The following SIPA1L1 variants were observed in gnomAD, a reference collection of about 807,000 sequenced individuals.
The protein encoded by SIPA1L1 is signal induced proliferation associated 1 like 1.
A neutral mutation model predicts 162.7 loss-of-function variants in SIPA1L1; 26 were observed. The ratio of observed to expected loss-of-function variants is 0.16; its 90% CI spans 0.12 to 0.22. The LOEUF (loss-of-function observed/expected upper bound fraction) is 0.22, where lower values mean the gene tolerates loss of function less well. Among genes scored for constraint, SIPA1L1 ranks in the 10% least tolerant of loss-of-function variants. The pLI is 1.00. For synonymous variants in SIPA1L1, 829 were observed against 837.4 expected, an observed-to-expected ratio of 0.99 and a Z score of 0.17; for missense variants, 1,874 against 2,241.0, an observed-to-expected ratio of 0.84 and a Z score of 3.31.
chr14:71,351,625 T>C (rs1045968724), intron 2 of SIPA1L1, among the ~76,000 whole-genome samples: 5 of 152,056 alleles, frequency 3.3e-5, no homozygotes, highest in African/African-American at 1.2e-4. Context: ...ATTATTACCA[T>C]AAACTGATCA....
Position 71,646,061 on chromosome 14 carries a change from G to A in SIPA1L1, c.1819-4274G>A, listed in dbSNP as rs547165490. Among the ~76,000 whole-genome samples, 3 of 152,248 alleles carry A rather than the reference G, an allele frequency of 2.0e-5. No individual in the cohort carries two copies. In the South Asian group the frequency reaches 6.2e-4, roughly 32 times the overall value. On this transcript the variant is annotated intron_variant, in intron 7 of 23. Coordinates refer to ENST00000381232, the MANE Select transcript of SIPA1L1 (RefSeq NM_001386936.1). ...AAATGCAAAACTTCTGAAGAAGACT[G>A]AGAACTTGGTTATTCACATCTCTTT...
intron 4 of SIPA1L1, among the ~76,000 whole-genome samples, chr14:71,583,338 G>C (rs1253387199): frequency 6.6e-6 from 1 of 152,082 alleles, no homozygotes; most frequent in Non-Finnish European, 1.5e-5. Flanking sequence ...TGAATTATTG[G>C]GGCATTTGAA....
At chr14:71,665,077 A>G (rs550813279) in intron 10 of SIPA1L1, among the ~76,000 whole-genome samples, 2 of 152,360 alleles carry the variant, frequency 1.3e-5, no homozygotes, top group East Asian at 1.9e-4. Flanking sequence ...TCAACACTAC[A>G]TAAGTAGAAT....
At chr14:71,376,347 C>CTT (rs930189565) in intron 2 of SIPA1L1, among the ~76,000 whole-genome samples, 1 of 143,526 alleles carries the variant, frequency 7.0e-6, no homozygotes, top group Admixed American at 6.9e-5. Flanking sequence ...TTATAATCTT[C>CTT]TTTTTTTTTT....
rs187600761 is a variant in SIPA1L1 at position 71,636,381 on chromosome 14, C to G, written c.1818+12145C>G. 1.4e-4 allele frequency among the ~76,000 whole-genome samples: 21 copies of G among 151,998 alleles called. No homozygotes were observed. The South Asian group carries it at 2.5e-3, about 18-fold the overall frequency. ...CAAACTGGAATCAAACTAGAAATAA[C>G]AGAAACATAATGGAAAAATCTCTAA... On this transcript the variant is annotated intron_variant, in intron 7 of 23. Transcript: ENST00000381232.
chr14:71,553,977 C>T (rs1346088825), intron 4 of SIPA1L1, among the ~76,000 whole-genome samples: 3 of 152,122 alleles, frequency 2.0e-5, no homozygotes, highest in Admixed American at 6.5e-5. Context: ...AGACTTTGAA[C>T]TTTGGCCTAT....
intron 4 of SIPA1L1, among the ~76,000 whole-genome samples, chr14:71,562,640 CATGTTT>C (rs2056888127): frequency 6.6e-6 from 1 of 152,098 alleles, no homozygotes; most frequent in South Asian, 2.1e-4. Context: ...GTTTTTATTT[CATGTTT>C]TGTTATTTGT....
intron 12 of SIPA1L1, among the ~76,000 whole-genome samples, chr14:71,683,705 A>G (rs909201503): frequency 6.6e-6 from 1 of 152,226 alleles, no homozygotes; most frequent in African/African-American, 2.4e-5. Flanking sequence ...ATTCGTTAAT[A>G]TTAGAGAAAA....
intron 2 of SIPA1L1, among the ~76,000 whole-genome samples, chr14:71,413,179 A>T (rs767640613): frequency 4.6e-5 from 7 of 152,194 alleles, no homozygotes; most frequent in Non-Finnish European, 8.8e-5. Flanking sequence ...ATGACCAAAA[A>T]TGTTACCAGA....
intron 2 of SIPA1L1, among the ~76,000 whole-genome samples, chr14:71,443,189 G>A (rs1267228564): frequency 6.6e-6 from 1 of 151,986 alleles, no homozygotes; most frequent in Non-Finnish European, 1.5e-5. Flanking sequence ...AAATCTCAGT[G>A]TTACTCTGTC....
intron 2 of SIPA1L1, among the ~76,000 whole-genome samples, chr14:71,508,080 T>G (rs2050821201): frequency 6.6e-6 from 1 of 152,250 alleles, no homozygotes; most frequent in Non-Finnish European, 1.5e-5. Context: ...GCCTGTTTCA[T>G]GCTGGCCATT....
chr14:71,552,572 ATTTTTAG>A (rs2055953425), intron 4 of SIPA1L1, among the ~76,000 whole-genome samples: 1 of 149,788 alleles, frequency 6.7e-6, no homozygotes, highest in Non-Finnish European at 1.5e-5. Context: ...TTTTTTTTGT[ATTTTTAG>A]TAGAGACGGG....
intron 2 of SIPA1L1, among the ~76,000 whole-genome samples, chr14:71,491,777 C>CAA (rs1201019187): frequency 4.0e-5 from 6 of 149,922 alleles, no homozygotes; most frequent in Admixed American, 1.3e-4. Context: ...CACACACACA[C>CAA]ACACACACAC....
intron 23 of SIPA1L1, 46 bp downstream of exon 23, chr14:71,738,371 C>T (rs1450680517): frequency 1.5e-6 from 2 of 1,326,490 alleles, no homozygotes; most frequent in African/African-American, 1.4e-5. Context: ...GTACAAACTA[C>T]CCTTGAACCA....
chr14:71,456,039 G>T (rs1022532803), intron 2 of SIPA1L1, among the ~76,000 whole-genome samples: 1 of 152,198 alleles, frequency 6.6e-6, no homozygotes, highest in Non-Finnish European at 1.5e-5. Context: ...AGGGAAAAAC[G>T]TAAATTATTT....
chr14:71,700,209 G>T (rs536125855), intron 14 of SIPA1L1, among the ~76,000 whole-genome samples: 1 of 152,130 alleles, frequency 6.6e-6, no homozygotes, highest in Non-Finnish European at 1.5e-5. Flanking sequence ...TAAGTTCAGA[G>T]GTTTAAAAGG....
rs1040775109 is a variant in SIPA1L1 at position 71,705,336 on chromosome 14, G to A, written c.3761G>A (p.Gly1254Glu). The change falls in exon 16 of 24, where the codon GGG becomes GAG. Residue 1254 changes from glycine (G) to glutamate (E), a missense_variant. Around this residue, in one of 5 missense-constraint regions of SIPA1L1, gnomAD observed 936 missense variants for 1,051.9 expected, o/e 0.89. Coordinates refer to ENST00000381232, the MANE Select transcript of SIPA1L1 (RefSeq NM_001386936.1). ...PVVHLSPNKQ[G>E]HSDSHYSSHS... The stretch of plus-strand genomic sequence containing the variant: ...GTTCATTTGTCTCCAAACAAACAAG[G>A]GCATGTAAGTTAACTGTAAACTTAA... 5.6e-6 allele frequency: 9 copies of A among 1,608,050 alleles called. No individual in the cohort carries two copies. The Admixed American group carries it at 1.0e-4, about 18-fold the overall frequency.
At chr14:71,550,147 C>T (rs190160662) in intron 4 of SIPA1L1, among the ~76,000 whole-genome samples, 1 of 152,196 alleles carries the variant, frequency 6.6e-6, no homozygotes, top group Admixed American at 6.5e-5. Context: ...CAGGTACTTG[C>T]GAGGTTGAGG....
At chr14:71,509,709 A>G (rs571832862) in intron 2 of SIPA1L1, among the ~76,000 whole-genome samples, 4 of 150,062 alleles carry the variant, frequency 2.7e-5, no homozygotes, top group Non-Finnish European at 5.9e-5. Context: ...ACGCCATTGC[A>G]CTCCAGCCTG....
Sources: allele counts gnomAD v4.1 joint callset (sites outside exome capture counted in the v4.1 genomes callset), GRCh38; gene constraint gnomAD v4.1.1; regional missense constraint gnomAD v4.1.1; transcripts MANE v1.5; gene names NCBI Gene and HGNC (gene_info 2026-07-23, HGNC 2026-07-21).